ACTR3C: variants seen among roughly 807,000 people sequenced by gnomAD.
ACTR3C encodes actin-related protein 3C.
Under a neutral mutation model 26.3 loss-of-function variants are expected in ACTR3C, and 18 were observed. The ratio of observed to expected loss-of-function variants is 0.68; its 90% confidence interval spans 0.47 to 1.01. The LOEUF (loss-of-function observed/expected upper bound fraction) is 1.01. ACTR3C is among the 50% of genes least tolerant of loss of function. ACTR3C has a pLI of 0.00. For missense variants in ACTR3C, 184 were observed against 250.7 expected (o/e 0.73, Z 1.80); for synonymous variants, 55 against 94.5 (o/e 0.58, Z 2.42).
the ACTR3C span, among the ~76,000 whole-genome samples, chr7:150,195,275 TA>T: frequency 1.3e-5 from 2 of 151,814 alleles, no homozygotes; most frequent in East Asian, 3.8e-4. Context: ...ATTTTTGCTT[TA>T]AAAAATCAGT....
chr7:149,929,545 T>G, the ACTR3C span, among the ~76,000 whole-genome samples: 1 of 148,394 alleles, frequency 6.7e-6, no homozygotes, highest in African/African-American at 2.5e-5. Flanking sequence ...TTTTTTTTTT[T>G]TTTTTGAGAC....
At chr7:149,998,381 G>A in the ACTR3C span, among the ~76,000 whole-genome samples, 43 of 149,572 alleles carry the variant, frequency 2.9e-4, 1 homozygote, top group African/African-American at 1.0e-3. Flanking sequence ...TTTGATACCT[G>A]TATTCGTCCA....
At chr7:150,000,014 TCA>T in the ACTR3C span, among the ~76,000 whole-genome samples, 1 of 149,524 alleles carries the variant, frequency 6.7e-6, no homozygotes, top group South Asian at 2.2e-4. Context: ...AATCATAATT[TCA>T]CACACAGAGA....
chr7:150,012,560 C>T, the ACTR3C span, among the ~76,000 whole-genome samples: 1 of 150,474 alleles, frequency 6.6e-6, no homozygotes, highest in Admixed American at 6.6e-5. Context: ...CATGATCCTC[C>T]CGCCTCGGCC....
At chr7:150,020,299 A>C in the ACTR3C span, among the ~76,000 whole-genome samples, 1 of 152,106 alleles carries the variant, frequency 6.6e-6, no homozygotes, top group South Asian at 2.1e-4. Context: ...CTACATGGTA[A>C]ACTTTAAGTA....
chr7:150,303,187 G>A (rs1043956731), intron 1 of ACTR3C, among the ~76,000 whole-genome samples: 2 of 152,210 alleles, frequency 1.3e-5, no homozygotes, highest in African/African-American at 4.8e-5. Flanking sequence ...CTGGAGAATG[G>A]TTGCCAGGAA....
the ACTR3C span, among the ~76,000 whole-genome samples, chr7:150,180,602 T>C: frequency 6.9e-6 from 1 of 144,930 alleles, no homozygotes; most frequent in East Asian, 2.0e-4. Flanking sequence ...AAGCTCCGCC[T>C]CCCGGGTTCA....
the ACTR3C span, among the ~76,000 whole-genome samples, chr7:149,990,356 C>T: frequency 7.4e-6 from 1 of 134,436 alleles, no homozygotes; most frequent in Non-Finnish European, 1.6e-5. Flanking sequence ...AACACAGCAG[C>T]AGCATGAGTG....
the ACTR3C span, among the ~76,000 whole-genome samples, chr7:150,072,567 T>G: frequency 6.9e-6 from 1 of 144,478 alleles, no homozygotes; most frequent in East Asian, 2.2e-4. Flanking sequence ...CCAGGACGCC[T>G]GGGCACCTGG....
chr7:149,882,833 A>G, the ACTR3C span, among the ~76,000 whole-genome samples: 1 of 152,192 alleles, frequency 6.6e-6, no homozygotes, highest in Non-Finnish European at 1.5e-5. Context: ...CTCAGGAATC[A>G]TGGGAGTGAA....
At chr7:150,037,937 CT>C in the ACTR3C span, among the ~76,000 whole-genome samples, 1 of 138,454 alleles carries the variant, frequency 7.2e-6, no homozygotes, top group Admixed American at 7.0e-5. Flanking sequence ...GCCTCCCCCC[CT>C]GCGATGGCGG....
the ACTR3C span, among the ~76,000 whole-genome samples, chr7:150,067,403 C>T: frequency 1.3e-5 from 2 of 152,288 alleles, no homozygotes; most frequent in South Asian, 2.1e-4. Flanking sequence ...GATATGTGTG[C>T]ATTCTGGGGA....
chr7:150,088,128 G>T, the ACTR3C span, among the ~76,000 whole-genome samples: 1 of 152,168 alleles, frequency 6.6e-6, no homozygotes, highest in African/African-American at 2.4e-5. Flanking sequence ...CCCATTCTAT[G>T]AATTGTCTTT....
chr7:150,023,424 C>T, the ACTR3C span, among the ~76,000 whole-genome samples: 2 of 149,152 alleles, frequency 1.3e-5, no homozygotes, highest in South Asian at 2.2e-4. Flanking sequence ...ACCTCCTCCT[C>T]CCAGGTTCAA....
At chr7:150,124,358 G>A in the ACTR3C span, among the ~76,000 whole-genome samples, 6 of 152,180 alleles carry the variant, frequency 3.9e-5, no homozygotes, top group African/African-American at 9.7e-5. Flanking sequence ...GATCCCTGGA[G>A]GGATAATAAG....
At chr7:150,303,200 C>A (rs904265393) in intron 1 of ACTR3C, among the ~76,000 whole-genome samples, 2 of 152,226 alleles carry the variant, frequency 1.3e-5, no homozygotes, top group African/African-American at 4.8e-5. Flanking sequence ...GCCAGGAAAG[C>A]TCCTTACAAA....
chr7:150,105,821 T>C, the ACTR3C span, among the ~76,000 whole-genome samples: 2 of 152,052 alleles, frequency 1.3e-5, no homozygotes, highest in Admixed American at 1.3e-4. Context: ...AAGCATCTTC[T>C]AAAACCAGTT....
At chr7:150,234,437 C>T in the ACTR3C span, among the ~76,000 whole-genome samples, 7 of 152,256 alleles carry the variant, frequency 4.6e-5, no homozygotes, top group East Asian at 1.4e-3. Flanking sequence ...ATGCGCCCCA[C>T]ATGACCATGA....
chr7:150,037,751 C>T, the ACTR3C span, among the ~76,000 whole-genome samples: 1 of 44,946 alleles, frequency 2.2e-5, no homozygotes, highest in Admixed American at 3.0e-4. Flanking sequence ...TCTCAGTCCC[C>T]ACCCTCGCGG....
Sources: allele counts gnomAD v4.1 joint callset (sites outside exome capture counted in the v4.1 genomes callset), GRCh38; gene constraint gnomAD v4.1.1; transcripts MANE v1.5; gene names NCBI Gene and HGNC (gene_info 2026-07-23, HGNC 2026-07-21).